Variants in CCDC144A observed in about 807,000 individuals in gnomAD.
CCDC144A encodes coiled-coil domain containing 144A.
In CCDC144A, 41 loss-of-function variants were observed where a neutral mutation model predicts 143.8. That is an observed-to-expected ratio of 0.29 (90% confidence interval 0.22 to 0.37). CCDC144A has a LOEUF of 0.37. Among genes scored for constraint, CCDC144A ranks in the 10% least tolerant of loss-of-function variants. CCDC144A has a pLI of 1.00. For synonymous variants in CCDC144A, 242 were observed against 517.9 expected, an observed-to-expected ratio of 0.47 and a Z score of 7.23; for missense variants, 637 against 1,488.8, an observed-to-expected ratio of 0.43 and a Z score of 9.41.
chr17:16,751,551 A>G (rs1914792520), intron 12 of CCDC144A, among the ~76,000 whole-genome samples: 1 of 152,118 alleles, frequency 6.6e-6, no homozygotes, highest in Non-Finnish European at 1.5e-5. Context: ...AACTTGGGAG[A>G]GCCCCCTCCA....
At chr17:16,674,436 G>A in the CCDC144A span, among the ~76,000 whole-genome samples, 7 of 152,068 alleles carry the variant, frequency 4.6e-5, no homozygotes, top group South Asian at 1.5e-3. Flanking sequence ...TGAAAAGAAA[G>A]TTGCTTAATG....
the CCDC144A span, among the ~76,000 whole-genome samples, chr17:16,679,606 C>T: frequency 6.6e-5 from 10 of 152,002 alleles, no homozygotes; most frequent in African/African-American, 2.4e-4. Context: ...TTTTATTCTT[C>T]ACACTGTTCT....
chr17:16,751,169 G>A (rs866915040), intron 12 of CCDC144A, among the ~76,000 whole-genome samples: 2 of 152,010 alleles, frequency 1.3e-5, no homozygotes, highest in Non-Finnish European at 2.9e-5. Flanking sequence ...TTTCTTTATC[G>A]TTTTGAAATT....
chr17:16,736,279 G>C (rs1368722485), intron 12 of CCDC144A, among the ~76,000 whole-genome samples: 3 of 125,176 alleles, frequency 2.4e-5, no homozygotes, highest in Non-Finnish European at 5.1e-5. Flanking sequence ...TGCTCTGTAA[G>C]TTTTGTATTT....
chr17:16,677,980 G>T, the CCDC144A span, among the ~76,000 whole-genome samples: 1 of 151,938 alleles, frequency 6.6e-6, no homozygotes, highest in African/African-American at 2.4e-5. Flanking sequence ...GATTGGTTTG[G>T]TTTCAACCTA....
At chr17:16,745,245 C>T (rs1368986189) in intron 12 of CCDC144A, among the ~76,000 whole-genome samples, 1 of 151,366 alleles carries the variant, frequency 6.6e-6, no homozygotes, top group Non-Finnish European at 1.5e-5. Context: ...GACAGCTCCT[C>T]TGCTTACAAA....
At chr17:16,711,136 GAAAAAAAA>G (rs1210697273) in intron 5 of CCDC144A, among the ~76,000 whole-genome samples, 1 of 21,790 alleles carries the variant, frequency 4.6e-5, no homozygotes, top group African/African-American at 1.7e-4. Flanking sequence ...GGATTCAAAT[GAAAAAAAA>G]AAAAAAAAAA....
the CCDC144A span, among the ~76,000 whole-genome samples, chr17:16,677,676 A>C: frequency 1.0e-3 from 154 of 152,046 alleles, 1 homozygote; most frequent in African/African-American, 3.7e-3. Flanking sequence ...TACTAAAAAT[A>C]CAAAATGGCA....
intron 8 of CCDC144A, among the ~76,000 whole-genome samples, chr17:16,722,335 C>T (rs1034271609): frequency 6.6e-6 from 1 of 152,070 alleles, no homozygotes; most frequent in Non-Finnish European, 1.5e-5. Context: ...TTTGCCAAAG[C>T]TTTATTTAGA....
intron 9 of CCDC144A, among the ~76,000 whole-genome samples, chr17:16,728,905 G>T (rs1430336645): frequency 6.6e-6 from 1 of 152,118 alleles, no homozygotes; most frequent in Non-Finnish European, 1.5e-5. Flanking sequence ...CCAAGTTGCT[G>T]CAAAAGACAT....
chr17:16,720,122 A>G (rs1422442849), intron 6 of CCDC144A, 76 bp from the exon 7 acceptor site: 19 of 1,456,226 alleles, frequency 1.3e-5, no homozygotes, highest in East Asian at 2.5e-5. Context: ...TTTATATGAT[A>G]AAACAGTAGT....
At chr17:16,743,417 T>C (rs1040258453) in intron 12 of CCDC144A, among the ~76,000 whole-genome samples, 4 of 152,242 alleles carry the variant, frequency 2.6e-5, no homozygotes, top group Non-Finnish European at 4.4e-5. Flanking sequence ...GATTTATTTC[T>C]GTGTTCTCTA....
intron 8 of CCDC144A, among the ~76,000 whole-genome samples, chr17:16,724,606 A>G (rs1913287480): frequency 6.6e-6 from 1 of 151,424 alleles, no homozygotes; most frequent in South Asian, 2.1e-4. Context: ...GTGTTGTTCA[A>G]GTGTGCTCCA....
chr17:16,740,628 A>G (rs1260620093), intron 12 of CCDC144A, among the ~76,000 whole-genome samples: 1 of 152,176 alleles, frequency 6.6e-6, no homozygotes, highest in Non-Finnish European at 1.5e-5. Flanking sequence ...ATTGCATTTA[A>G]TAGCTTAACA....
At chr17:16,686,864 G>C (rs1053050292), upstream of CCDC144A, among the ~76,000 whole-genome samples, 19 of 151,898 alleles carry the variant, frequency 1.3e-4, no homozygotes, top group African/African-American at 4.4e-4. Context: ...ATGGCCTCAG[G>C]GATGCAGGAA....
chr17:16,682,375 G>C, the CCDC144A span, among the ~76,000 whole-genome samples: 1 of 152,022 alleles, frequency 6.6e-6, no homozygotes, highest in Non-Finnish European at 1.5e-5. Flanking sequence ...AGCAAGTCTG[G>C]GGAGTATTGG....
At chr17:16,722,199 C>T (rs1913129828) in intron 8 of CCDC144A, among the ~76,000 whole-genome samples, 1 of 151,988 alleles carries the variant, frequency 6.6e-6, no homozygotes, top group Non-Finnish European at 1.5e-5. Context: ...CTGAGATGAT[C>T]ATATGGTTCT....
intron 12 of CCDC144A, among the ~76,000 whole-genome samples, chr17:16,748,575 C>A (rs2143306757): frequency 6.6e-6 from 1 of 152,146 alleles, no homozygotes; most frequent in East Asian, 1.9e-4. Flanking sequence ...TCTTTGCTGG[C>A]TTTTAGTATC....
the CCDC144A span, among the ~76,000 whole-genome samples, chr17:16,674,846 AT>A: frequency 1.0e-3 from 154 of 152,306 alleles, 1 homozygote; most frequent in African/African-American, 3.7e-3. Context: ...AAATCTATAA[AT>A]CTAATCAAAC....
Sources: gnomAD v4.1 joint callset for allele counts (sites outside exome capture counted in the v4.1 genomes callset) on GRCh38, gnomAD v4.1.1 for gene constraint, MANE v1.5 for transcripts, NCBI Gene and HGNC (gene_info 2026-07-23, HGNC 2026-07-21) for gene names.